UBASH3B: variants seen among roughly 807,000 people sequenced by gnomAD.
The protein encoded by UBASH3B is ubiquitin associated and SH3 domain containing B, also known as ubiquitin-associated and SH3 domain-containing protein B.
A neutral mutation model predicts 83.4 loss-of-function variants in UBASH3B; 37 were observed. The ratio of observed to expected loss-of-function variants is 0.44; its 90% CI spans 0.34 to 0.58. The LOEUF (loss-of-function observed/expected upper bound fraction) is 0.58. Ranked by LOEUF, UBASH3B falls within the 20% of genes least tolerant of loss-of-function variation. UBASH3B has a pLI of 0.01. For missense variants in UBASH3B, 657 were observed against 827.2 expected (o/e 0.79, Z 2.52); for synonymous variants, 304 against 318.3 (o/e 0.96, Z 0.48).
At chr11:122,767,592 T>C (rs1233753635) in intron 1 of UBASH3B, among the ~76,000 whole-genome samples, 1 of 152,200 alleles carries the variant, frequency 6.6e-6, no homozygotes, top group African/African-American at 2.4e-5. Context: ...ATTACAGGCG[T>C]GAGCCACCAC....
At chr11:122,798,586 C>G (rs180748293) in intron 9 of UBASH3B, among the ~76,000 whole-genome samples, 1,825 of 151,950 alleles carry the variant, frequency 0.012, 50 homozygotes, top group African/African-American at 0.042. Context: ...TGGTGCGCGC[C>G]TGTACTCCCA....
At chr11:122,721,244 CAAAA>C (rs34298191) in intron 1 of UBASH3B, among the ~76,000 whole-genome samples, 2 of 73,144 alleles carry the variant, frequency 2.7e-5, no homozygotes, top group Non-Finnish European at 5.0e-5. Flanking sequence ...GACTGTGTCT[CAAAA>C]AAAAAAAAAA....
chr11:122,724,945 TTTTA>T, intron 1 of UBASH3B, among the ~76,000 whole-genome samples: 1 of 152,110 alleles, frequency 6.6e-6, no homozygotes, highest in Non-Finnish European at 1.5e-5. Context: ...TTGTATGTTA[TTTTA>T]TTTATTTATT....
intron 1 of UBASH3B, among the ~76,000 whole-genome samples, chr11:122,719,853 G>T (rs1029973715): frequency 6.6e-6 from 1 of 152,128 alleles, no homozygotes; most frequent in Admixed American, 6.5e-5. Context: ...TCCTCCATCA[G>T]CAGCATTGGA....
intron 1 of UBASH3B, among the ~76,000 whole-genome samples, chr11:122,730,989 G>T (rs12808150): frequency 0.32 from 48,690 of 152,032 alleles, 8,952 homozygotes; most frequent in Middle Eastern, 0.49. Flanking sequence ...CCCCCTAAAG[G>T]TTCTGCCATG....
chr11:122,773,861 T>C lies in UBASH3B; in HGVS notation c.162-2358T>C, dbSNP rs150256765. Among the ~76,000 whole-genome samples the C allele has an allele frequency of 6.4e-3, 969 of 152,280 alleles. 7 individuals are homozygous for C. Among genetic ancestry groups the C allele is most frequent in the African/African-American group, 0.022 (915 of 41,574 alleles). ...TTAAATTTCACTCGGATATATTTCA[T>C]TGGGGGAAGGGTGTAGAAAAAAAGA... On this transcript the variant is annotated intron_variant, in intron 1 of 13. Transcript: ENST00000284273.
At chr11:122,772,332 G>A (rs1157699080) in intron 1 of UBASH3B, among the ~76,000 whole-genome samples, 3 of 152,200 alleles carry the variant, frequency 2.0e-5, no homozygotes, top group African/African-American at 4.8e-5. Flanking sequence ...TAAGGGTAGG[G>A]ACCATACCTT....
At chr11:122,753,209 C>T (rs992431972) in intron 1 of UBASH3B, among the ~76,000 whole-genome samples, 2 of 151,542 alleles carry the variant, frequency 1.3e-5, no homozygotes, top group East Asian at 2.0e-4. Flanking sequence ...TTTGGGAGGC[C>T]GAGGCGGGCG....
chr11:122,778,554 A>T (rs1291100960), intron 3 of UBASH3B, among the ~76,000 whole-genome samples: 331 of 126,700 alleles, frequency 2.6e-3, no homozygotes, highest in South Asian at 3.2e-3. Context: ...ACATTCCTTC[A>T]TTTTTTTTTT....
intron 1 of UBASH3B, among the ~76,000 whole-genome samples, chr11:122,767,068 A>G (rs914875840): frequency 4.6e-5 from 7 of 152,128 alleles, no homozygotes; most frequent in African/African-American, 9.7e-5. Flanking sequence ...TCACGAGGTC[A>G]CGAGATCGAG....
intron 1 of UBASH3B, among the ~76,000 whole-genome samples, chr11:122,724,351 G>A (rs1382262353): frequency 6.6e-6 from 1 of 152,110 alleles, no homozygotes; most frequent in Non-Finnish European, 1.5e-5. Flanking sequence ...TAGAAGTTGC[G>A]GCATAAGTGC....
intron 1 of UBASH3B, among the ~76,000 whole-genome samples, chr11:122,721,773 C>T (rs534129252): frequency 2.0e-5 from 3 of 152,330 alleles, no homozygotes; most frequent in South Asian, 4.1e-4. Context: ...TTTTCCAGGT[C>T]TCCTAACATA....
At chr11:122,666,232 C>T (rs1863516298) in intron 1 of UBASH3B, among the ~76,000 whole-genome samples, 1 of 152,232 alleles carries the variant, frequency 6.6e-6, no homozygotes, top group South Asian at 2.1e-4. Context: ...GTGCGCCTTT[C>T]AAAAACATTT....
At chr11:122,715,995 C>A (rs1428296703) in intron 1 of UBASH3B, among the ~76,000 whole-genome samples, 1 of 152,180 alleles carries the variant, frequency 6.6e-6, no homozygotes, top group Non-Finnish European at 1.5e-5. Context: ...TTTCTTTGTC[C>A]CTGTTTCAGC....
intron 1 of UBASH3B, among the ~76,000 whole-genome samples, chr11:122,676,653 T>C (rs763652195): frequency 3.9e-5 from 6 of 152,206 alleles, no homozygotes; most frequent in Non-Finnish European, 7.3e-5. Context: ...GAGGTTGCAG[T>C]GAGCCAAGAA....
At chr11:122,772,739 C>G (rs145243483) in intron 1 of UBASH3B, among the ~76,000 whole-genome samples, 1 of 152,336 alleles carries the variant, frequency 6.6e-6, no homozygotes, top group Non-Finnish European at 1.5e-5. Flanking sequence ...GTTCCCTCCC[C>G]TGTGGGAAGG....
chr11:122,802,143 C>T (rs144973528), intron 11 of UBASH3B, among the ~76,000 whole-genome samples: 12,547 of 151,838 alleles, frequency 0.083, 541 homozygotes, highest in Middle Eastern at 0.18. Context: ...GGTGAAACCC[C>T]GTCTCTACTA....
At chr11:122,778,595 T>C (rs1565561830) in intron 3 of UBASH3B, among the ~76,000 whole-genome samples, 1 of 151,500 alleles carries the variant, frequency 6.6e-6, no homozygotes, top group African/African-American at 2.4e-5. Context: ...CTTTGATTTT[T>C]TTTTTCTTTT....
At position 122,661,914 on chromosome 11, in the gene UBASH3B, T is replaced by C. The variant is rs35721798; in HGVS notation, c.161+5704T>C. Among the ~76,000 whole-genome samples, 9 of 68,028 alleles carry C rather than the reference T, an allele frequency of 1.3e-4. No individual in the cohort carries two copies. The South Asian group carries it at 1.4e-3, about 11-fold the overall frequency. 44.6% of individuals were successfully genotyped at this position (68,028 alleles called of 152,430 possible). On this transcript the variant is annotated intron_variant, in intron 1 of 13. Transcript: ENST00000284273. ...CTTGATATGCTTTTTTTCTTTTTTTTTTTTTTTTTGAGACAGAGTTTCGTT... is the reference window on the plus strand; with the variant it reads ...CTTGATATGCTTTTTTTCTTTTTTTCTTTTTTTTTGAGACAGAGTTTCGTT...
Sources: gnomAD v4.1 joint callset for allele counts (sites outside exome capture counted in the v4.1 genomes callset) on GRCh38, gnomAD v4.1.1 for gene constraint, MANE v1.5 for transcripts, NCBI Gene and HGNC (gene_info 2026-07-23, HGNC 2026-07-21) for gene names.